The following HDAC8 variants were observed in gnomAD, a reference collection of about 807,000 sequenced individuals.
HDAC8 encodes histone deacetylase-like 1.
A neutral mutation model predicts 32.2 loss-of-function variants in HDAC8; 1 was observed. The ratio of observed to expected loss-of-function variants is 0.03; its 90% confidence interval spans 0.01 to 0.15. The LOEUF is 0.15. HDAC8 is among the 10% of genes least tolerant of loss of function. HDAC8 has a pLI of 1.00. For missense variants in HDAC8, 117 were observed against 300.0 expected (o/e 0.39, Z 4.51); for synonymous variants, 108 against 113.9 (o/e 0.95, Z 0.33).
chrX:72,499,327 T>C (rs782019271), intron 4 of HDAC8, among the ~76,000 whole-genome samples: 2 of 111,553 alleles, frequency 1.8e-5, no homozygotes, highest in African/African-American at 6.5e-5. Flanking sequence ...CAACAAAATA[T>C]ACACTCTTCT....
intron 9 of HDAC8, among the ~76,000 whole-genome samples, chrX:72,371,224 T>C (rs2044865216): frequency 8.9e-6 from 1 of 111,887 alleles, no homozygotes; most frequent in African/African-American, 3.2e-5. Context: ...AATAGTAATA[T>C]TGGCAATTGT....
intron 7 of HDAC8, among the ~76,000 whole-genome samples, chrX:72,465,755 C>T (rs1451445397): frequency 2.7e-5 from 3 of 111,295 alleles, no homozygotes; most frequent in Non-Finnish European, 5.7e-5. Context: ...CAAATTACAC[C>T]AGTGCAGCAA....
In HDAC8 at chrX:72,351,716, C is replaced by T. The variant is rs1239937279; in HGVS notation, c.1111+17G>A. 19 of 1,161,708 alleles carry T rather than the reference C, an allele frequency of 1.6e-5. No homozygotes were observed. Among genetic ancestry groups the T allele is most frequent in the Non-Finnish European group, 2.1e-5 (18 of 851,940 alleles). On this transcript the variant is annotated intron_variant, in intron 10 of 10. Transcript: ENST00000373573. Reference sequence around the variant, plus strand: ...TGGGTGGAACAAGGAGGGCAGGCCTCGAGGGGCGGTGCTCACCTTTGATGT... The same window carrying T: ...TGGGTGGAACAAGGAGGGCAGGCCTTGAGGGGCGGTGCTCACCTTTGATGT...
At chrX:72,560,759 G>A (rs782540556) in intron 4 of HDAC8, among the ~76,000 whole-genome samples, 116 of 108,135 alleles carry the variant, frequency 1.1e-3, no homozygotes, top group African/African-American at 2.3e-3. Flanking sequence ...ATCATGGCCC[G>A]AAGGTGAACT....
At chrX:72,388,595 T>TACACACAC (rs59374504) in intron 9 of HDAC8, among the ~76,000 whole-genome samples, 1,906 of 88,365 alleles carry the variant, frequency 0.022, 60 homozygotes, top group African/African-American at 0.064. Context: ...CCACAGTGAT[T>TACACACAC]ACACACACAC....
At chrX:72,554,010 G>A (rs2051181926) in intron 4 of HDAC8, among the ~76,000 whole-genome samples, 1 of 111,391 alleles carries the variant, frequency 9.0e-6, no homozygotes, top group Non-Finnish European at 1.9e-5. Flanking sequence ...CTGAGTATTA[G>A]TGTTTAAAAA....
rs192360654 is a variant in HDAC8 at position 72,401,813 on chromosome X, G to C, written c.1006-49975C>G. ...CAAATATTATCTTCCATTCTGTTTT[G>C]GTTACTGTAGCTTTGTAGTAAGTTT... On this transcript the variant is annotated intron_variant, in intron 9 of 10. Coordinates refer to ENST00000373573, the MANE Select transcript of HDAC8 (RefSeq NM_018486.3). Among the ~76,000 whole-genome samples, 7 of 111,961 alleles carry C rather than the reference G, an allele frequency of 6.3e-5. No homozygotes were observed. In the East Asian group the frequency reaches 2.0e-3, roughly 31 times the overall value.
intron 4 of HDAC8, among the ~76,000 whole-genome samples, chrX:72,522,701 C>T (rs1183368914): frequency 8.9e-6 from 1 of 112,030 alleles, no homozygotes; most frequent in Non-Finnish European, 1.9e-5. Flanking sequence ...TTTATTTTTT[C>T]AGAGAGCTGG....
At chrX:72,405,151 C>T (rs1458716581) in intron 9 of HDAC8, among the ~76,000 whole-genome samples, 6 of 111,116 alleles carry the variant, frequency 5.4e-5, no homozygotes, top group Admixed American at 3.8e-4. Flanking sequence ...CTCTGATAAG[C>T]CCCAGTGTGT....
At chrX:72,461,890 A>G in intron 9 of HDAC8, 114 bp downstream of exon 9, 2 of 510,291 alleles carry the variant, frequency 3.9e-6, no homozygotes, top group Non-Finnish European at 6.9e-6. Context: ...TGTTATTGTT[A>G]TTGAAGTGTC....
Position 72,497,357 on chromosome X carries a change from A to C in HDAC8, c.438-2089T>G, listed in dbSNP as rs1281804710. ...AATAATAAGTGTTTAGATAAATAGA[A>C]TATTCCTAAAATCCCCAGAAAATAA... On this transcript the variant is annotated intron_variant, in intron 4 of 10. Transcript: ENST00000373573. 2.7e-5 allele frequency among the ~76,000 whole-genome samples: 3 copies of C among 111,888 alleles called. No individual in the cohort carries two copies. In the East Asian group the frequency reaches 8.3e-4, roughly 31 times the overall value.
chrX:72,370,869 G>A (rs1030689366), intron 9 of HDAC8, among the ~76,000 whole-genome samples: 1 of 111,685 alleles, frequency 9.0e-6, no homozygotes, highest in Admixed American at 9.5e-5. Flanking sequence ...TTCTAGCTGC[G>A]CTGGCAGCTG....
chrX:72,475,623 G>A (rs1556000161), intron 7 of HDAC8, among the ~76,000 whole-genome samples: 1 of 111,841 alleles, frequency 8.9e-6, no homozygotes, highest in Admixed American at 9.5e-5. Context: ...AGGCTGCCTT[G>A]CAGTGAGCAT....
intron 9 of HDAC8, among the ~76,000 whole-genome samples, chrX:72,424,389 C>A (rs782533220): frequency 9.0e-6 from 1 of 111,299 alleles, no homozygotes; most frequent in South Asian, 3.8e-4. Flanking sequence ...TTAATTATTT[C>A]TTTGATAATT....
intron 4 of HDAC8, among the ~76,000 whole-genome samples, chrX:72,516,684 G>T (rs928765335): frequency 1.8e-5 from 2 of 111,828 alleles, no homozygotes; most frequent in Non-Finnish European, 3.8e-5. Context: ...AACACTTATG[G>T]TTCCCATCAC....
chrX:72,474,212 C>T, intron 7 of HDAC8: 1 of 747,849 alleles, frequency 1.3e-6, no homozygotes, highest in Non-Finnish European at 1.6e-6. Context: ...CTTTGAATAC[C>T]CACAGCATTC....
chrX:72,524,097 G>T (rs1168052803), intron 4 of HDAC8, among the ~76,000 whole-genome samples: 1 of 112,316 alleles, frequency 8.9e-6, no homozygotes, highest in Admixed American at 9.4e-5. Flanking sequence ...CAGCAAAGCT[G>T]AATAGATATG....
chrX:72,360,007 T>C (rs1478982476), intron 9 of HDAC8, among the ~76,000 whole-genome samples: 4 of 106,085 alleles, frequency 3.8e-5, no homozygotes, highest in Non-Finnish European at 7.7e-5. Context: ...TGAGTCAAGA[T>C]TGCACCACTG....
chrX:72,483,949 A>ATCCTT (rs1345082817), intron 7 of HDAC8, among the ~76,000 whole-genome samples: 1 of 112,051 alleles, frequency 8.9e-6, no homozygotes, highest in Non-Finnish European at 1.9e-5. Flanking sequence ...TAGAGAGCAA[A>ATCCTT]TCCTTTCTGG....
Sources: gnomAD v4.1 joint callset for allele counts (sites outside exome capture counted in the v4.1 genomes callset) on GRCh38, gnomAD v4.1.1 for gene constraint, MANE v1.5 for transcripts, NCBI Gene and HGNC (gene_info 2026-07-23, HGNC 2026-07-21) for gene names.